Variants in RANBP2 observed in about 807,000 individuals in gnomAD.
RANBP2 encodes the protein RAN binding protein 2.
In RANBP2, 57 loss-of-function variants were observed where a neutral mutation model predicts 303.6. The ratio of observed to expected loss-of-function variants is 0.19; its 90% CI spans 0.15 to 0.23. RANBP2 has a LOEUF of 0.23. Ranked by LOEUF, RANBP2 falls within the 10% of genes least tolerant of loss-of-function variation. The pLI, the probability that RANBP2 is intolerant of heterozygous loss-of-function variation, is 1.00. For synonymous variants in RANBP2, 1,167 were observed against 1,301.5 expected (o/e 0.90, Z 2.23); for missense variants, 3,138 against 3,780.8 (o/e 0.83, Z 4.46).
the RANBP2 span, among the ~76,000 whole-genome samples, chr2:109,057,815 C>CGGT: frequency 6.6e-6 from 1 of 152,176 alleles, no homozygotes; most frequent in Non-Finnish European, 1.5e-5. Flanking sequence ...TGCCAGCTTG[C>CGGT]GGTGGTTACT....
the RANBP2 span, among the ~76,000 whole-genome samples, chr2:109,395,318 G>A: frequency 6.6e-6 from 1 of 152,226 alleles, no homozygotes; most frequent in African/African-American, 2.4e-5. Context: ...AAGACTGACA[G>A]GGCAGGAGGA....
chr2:109,064,455 CA>C, the RANBP2 span, among the ~76,000 whole-genome samples: 1 of 65,930 alleles, frequency 1.5e-5, no homozygotes, highest in African/African-American at 6.1e-5. Context: ...GACTCTGTCT[CA>C]AAAAAAAAAA....
the RANBP2 span, among the ~76,000 whole-genome samples, chr2:109,407,608 C>G: frequency 6.6e-6 from 1 of 152,220 alleles, no homozygotes; most frequent in Non-Finnish European, 1.5e-5. Flanking sequence ...GGCTCCAGCT[C>G]CAGCTCTCAA....
the RANBP2 span, among the ~76,000 whole-genome samples, chr2:109,574,410 C>A: frequency 7.1e-6 from 1 of 140,204 alleles, no homozygotes; most frequent in South Asian, 2.2e-4. Context: ...CTCACAACTA[C>A]CTCCAGCCTG....
the RANBP2 span, among the ~76,000 whole-genome samples, chr2:109,287,106 A>G: frequency 1.3e-5 from 2 of 152,190 alleles, no homozygotes; most frequent in Admixed American, 6.5e-5. Context: ...TGACATACAG[A>G]TGACAGCCAT....
At chr2:109,439,649 C>G in the RANBP2 span, among the ~76,000 whole-genome samples, 12 of 152,092 alleles carry the variant, frequency 7.9e-5, no homozygotes, top group African/African-American at 2.9e-4. Context: ...CAGAGCACCC[C>G]CTGTAAAGTG....
the RANBP2 span, among the ~76,000 whole-genome samples, chr2:109,093,160 C>T: frequency 6.6e-6 from 1 of 152,152 alleles, no homozygotes; most frequent in African/African-American, 2.4e-5. Context: ...ATTGGCTGCC[C>T]TAGACTTCTT....
chr2:109,527,562 C>T, the RANBP2 span, among the ~76,000 whole-genome samples: 3 of 152,094 alleles, frequency 2.0e-5, no homozygotes, highest in Admixed American at 6.5e-5. Context: ...ACTGGACCCA[C>T]AGCCACATTA....
At chr2:109,497,389 G>A in the RANBP2 span, among the ~76,000 whole-genome samples, 7 of 152,116 alleles carry the variant, frequency 4.6e-5, no homozygotes, top group African/African-American at 1.7e-4. Context: ...CGACCCCCAA[G>A]GAAAGCAGAA....
the RANBP2 span, among the ~76,000 whole-genome samples, chr2:109,495,152 C>T: frequency 9.5e-4 from 144 of 152,338 alleles, 2 homozygotes; most frequent in East Asian, 0.022. Context: ...TCTTGTCCTG[C>T]GGACTATGTG....
At chr2:108,941,961 C>T in the RANBP2 span, among the ~76,000 whole-genome samples, 2 of 152,206 alleles carry the variant, frequency 1.3e-5, no homozygotes, top group Non-Finnish European at 2.9e-5. Flanking sequence ...GTCCATGCCA[C>T]GGTTCCCTGC....
At chr2:109,713,499 C>T in the RANBP2 span, among the ~76,000 whole-genome samples, 5 of 152,186 alleles carry the variant, frequency 3.3e-5, no homozygotes, top group Non-Finnish European at 5.9e-5. Context: ...AGCCTCTCAG[C>T]GCTCCAGCTT....
At chr2:108,798,356 T>G in the RANBP2 span, 1 of 1,531,630 alleles carries the variant, frequency 6.5e-7, no homozygotes, top group Non-Finnish European at 8.8e-7. Context: ...AACCACAGTG[T>G]CAGCCAATAG....
chr2:108,789,069 T>A, downstream of RANBP2: 1 of 1,185,960 alleles, frequency 8.4e-7, no homozygotes, highest in Non-Finnish European at 1.2e-6. Flanking sequence ...TGAGGACAAG[T>A]ATGAGGACAA....
the RANBP2 span, among the ~76,000 whole-genome samples, chr2:109,265,512 G>A: frequency 6.6e-6 from 1 of 152,178 alleles, no homozygotes; most frequent in Non-Finnish European, 1.5e-5. Context: ...CCACCCTTAG[G>A]CTGCTATAGG....
At chr2:109,629,328 T>G in the RANBP2 span, among the ~76,000 whole-genome samples, 3 of 13,084 alleles carry the variant, frequency 2.3e-4, no homozygotes, top group African/African-American at 8.0e-4. Flanking sequence ...TATATATATA[T>G]ATATATATAT....
chr2:109,113,065 T>C, the RANBP2 span, among the ~76,000 whole-genome samples: 11 of 152,236 alleles, frequency 7.2e-5, no homozygotes, highest in East Asian at 9.7e-4. Flanking sequence ...AGTCAGGTAG[T>C]GTGATGCCTC....
the RANBP2 span, among the ~76,000 whole-genome samples, chr2:109,214,144 A>G: frequency 6.6e-6 from 1 of 152,144 alleles, no homozygotes; most frequent in Non-Finnish European, 1.5e-5. Flanking sequence ...TGCTGCGTCT[A>G]GGTAGGGGCC....
the RANBP2 span, among the ~76,000 whole-genome samples, chr2:109,375,718 C>T: frequency 2.6e-5 from 4 of 152,218 alleles, no homozygotes; most frequent in South Asian, 4.1e-4. Flanking sequence ...GCATGAGTGC[C>T]GGGGCTGAGC....
Sources: gnomAD v4.1 joint callset for allele counts (sites outside exome capture counted in the v4.1 genomes callset) on GRCh38, gnomAD v4.1.1 for gene constraint, MANE v1.5 for transcripts, NCBI Gene and HGNC (gene_info 2026-07-23, HGNC 2026-07-21) for gene names.